Variants in PRRG1 observed in about 807,000 individuals in gnomAD.
PRRG1 encodes the protein proline rich and Gla domain 1.
Under a neutral mutation model 11.8 loss-of-function variants are expected in PRRG1, and 5 were observed. The ratio of observed to expected loss-of-function variants is 0.42; its 90% CI spans 0.22 to 0.89. The LOEUF (loss-of-function observed/expected upper bound fraction) is 0.89. PRRG1 is among the 40% of genes least tolerant of loss of function. The pLI, the probability that PRRG1 is intolerant of heterozygous loss-of-function variation, is 0.28. For missense variants in PRRG1, 155 were observed against 166.1 expected, an observed-to-expected ratio of 0.93 and a Z score of 0.37; for synonymous variants, 66 against 60.4, an observed-to-expected ratio of 1.09 and a Z score of -0.43.
intron 3 of PRRG1, among the ~76,000 whole-genome samples, chrX:37,432,277 C>T (rs914727854): frequency 2.9e-5 from 3 of 104,346 alleles, no homozygotes; most frequent in South Asian, 4.2e-4. Flanking sequence ...TTAGTAGAGA[C>T]GGCTTTCACC....
chrX:37,399,578 G>A (rs1164854843), intron 1 of PRRG1, among the ~76,000 whole-genome samples: 4 of 103,720 alleles, frequency 3.9e-5, no homozygotes, highest in African/African-American at 7.1e-5. Context: ...ATCAACTAAC[G>A]AGCAAAATCA....
chrX:37,425,734 G>T, intron 2 of PRRG1, 106 bp from the exon 3 acceptor site: 1 of 702,904 alleles, frequency 1.4e-6, no homozygotes, highest in Non-Finnish European at 2.0e-6. Context: ...CTGACTCACG[G>T]AAAGAGGTTT....
intron 1 of PRRG1, among the ~76,000 whole-genome samples, chrX:37,369,354 C>G (rs1460473961): frequency 9.0e-6 from 1 of 111,606 alleles, no homozygotes; most frequent in Non-Finnish European, 1.9e-5. Flanking sequence ...AACAGTTTTT[C>G]AGTCCTCCAT....
At chrX:37,442,331 C>A in intron 3 of PRRG1, 1 of 526,342 alleles carries the variant, frequency 1.9e-6, no homozygotes, top group Non-Finnish European at 2.3e-6. Flanking sequence ...TCCACCCAGT[C>A]CTGTCCCATC....
intron 1 of PRRG1, among the ~76,000 whole-genome samples, chrX:37,392,136 GAA>G (rs782585721): frequency 9.0e-6 from 1 of 111,646 alleles, no homozygotes; most frequent in Non-Finnish European, 1.9e-5. Context: ...AAAAATTAAA[GAA>G]GAGTATTTTA....
chrX:37,427,338 A>G (rs782711123), intron 3 of PRRG1, among the ~76,000 whole-genome samples: 12 of 111,981 alleles, frequency 1.1e-4, no homozygotes, highest in African/African-American at 3.9e-4. Context: ...ATACGTTTCT[A>G]TGAGTTTGGG....
intron 1 of PRRG1, among the ~76,000 whole-genome samples, chrX:37,393,289 T>C (rs1206549563): frequency 9.3e-6 from 1 of 107,044 alleles, no homozygotes; most frequent in Non-Finnish European, 1.9e-5. Flanking sequence ...TTTATATAAT[T>C]ATGTTAATGT....
intron 2 of PRRG1, among the ~76,000 whole-genome samples, chrX:37,418,058 C>T (rs1013933026): frequency 8.9e-6 from 1 of 112,031 alleles, no homozygotes; most frequent in Non-Finnish European, 1.9e-5. Context: ...AAATCATATC[C>T]AACACCTTTG....
At chrX:37,434,095 A>G (rs1371795413) in intron 3 of PRRG1, among the ~76,000 whole-genome samples, 1 of 111,149 alleles carries the variant, frequency 9.0e-6, no homozygotes, top group Non-Finnish European at 1.9e-5. Context: ...GACTATCTTT[A>G]CTATCTTTTT....
intron 2 of PRRG1, among the ~76,000 whole-genome samples, chrX:37,407,048 C>G (rs1185324143): frequency 8.9e-6 from 1 of 112,110 alleles, no homozygotes; most frequent in African/African-American, 3.2e-5. Flanking sequence ...ATTTTAACAT[C>G]TTTCTATGTA....
At chrX:37,350,100 G>A (rs1466262005) in intron 1 of PRRG1, among the ~76,000 whole-genome samples, 1 of 109,515 alleles carries the variant, frequency 9.1e-6, no homozygotes, top group Non-Finnish European at 1.9e-5. Context: ...AAGAGAAACA[G>A]TCTTCCTGCT....
intron 1 of PRRG1, chrX:37,403,730 A>G (rs1346225078): frequency 1.3e-6 from 1 of 750,942 alleles, no homozygotes; most frequent in African/African-American, 2.3e-5. Flanking sequence ...AGACTAGAAC[A>G]GCAGAGGATC....
At chrX:37,412,659 A>G (rs911963591) in intron 2 of PRRG1, among the ~76,000 whole-genome samples, 7 of 110,289 alleles carry the variant, frequency 6.3e-5, no homozygotes, top group African/African-American at 2.0e-4. Flanking sequence ...GTAGCTGACA[A>G]CTGCCATAAT....
chrX:37,353,362 A>G (rs1556365263), intron 1 of PRRG1, among the ~76,000 whole-genome samples: 1 of 112,816 alleles, frequency 8.9e-6, no homozygotes, highest in Non-Finnish European at 1.9e-5. Flanking sequence ...TATTATTACA[A>G]AAGAGTCAAA....
intron 1 of PRRG1, among the ~76,000 whole-genome samples, chrX:37,381,376 A>G (rs1931148127): frequency 1.8e-5 from 2 of 112,259 alleles, no homozygotes; most frequent in South Asian, 7.3e-4. Context: ...GTTATTGTAT[A>G]TACTATAAGG....
chrX:37,451,596 C>G (rs187452902), intron 3 of PRRG1, among the ~76,000 whole-genome samples: 1 of 111,311 alleles, frequency 9.0e-6, no homozygotes, highest in African/African-American at 3.3e-5. Context: ...TTTTAAATAT[C>G]GAATCTTGCA....
intron 3 of PRRG1, among the ~76,000 whole-genome samples, chrX:37,439,819 G>A (rs1197614549): frequency 2.1e-5 from 2 of 96,001 alleles, no homozygotes; most frequent in African/African-American, 8.4e-5. Flanking sequence ...TTTTTGAGAG[G>A]GAGTCTCACT....
intron 2 of PRRG1, among the ~76,000 whole-genome samples, chrX:37,411,733 C>A (rs1243730353): frequency 1.2e-4 from 13 of 111,741 alleles, no homozygotes; most frequent in African/African-American, 3.9e-4. Context: ...GGGAGAAGTT[C>A]ATCATGTTGT....
intron 1 of PRRG1, among the ~76,000 whole-genome samples, chrX:37,355,296 A>G (rs79063118): frequency 0.011 from 1,232 of 111,008 alleles, 8 homozygotes; most frequent in Middle Eastern, 0.037. Context: ...ACTTAAGTTT[A>G]GTGCCCCTCC....
Sources: gnomAD v4.1 joint callset for allele counts (sites outside exome capture counted in the v4.1 genomes callset) on GRCh38, gnomAD v4.1.1 for gene constraint, MANE v1.5 for transcripts, NCBI Gene and HGNC (gene_info 2026-07-23, HGNC 2026-07-21) for gene names.